Variants in TBCA observed in about 807,000 individuals in gnomAD.
TBCA encodes tubulin-specific chaperone A.
TBCA carries 6 observed loss-of-function variants against 15.8 expected under a neutral mutation model. The ratio of observed to expected loss-of-function variants is 0.38; its 90% confidence interval spans 0.21 to 0.75. The LOEUF is 0.75. TBCA is among the 30% of genes least tolerant of loss of function. The pLI, the probability that TBCA is intolerant of heterozygous loss-of-function variation, is 0.46. For missense variants in TBCA, 90 were observed against 131.2 expected (o/e 0.69, Z 1.53); for synonymous variants, 32 against 42.3 (o/e 0.76, Z 0.94).
At chr5:77,756,021 C>T (rs896784321) in intron 1 of TBCA, among the ~76,000 whole-genome samples, 1 of 151,330 alleles carries the variant, frequency 6.6e-6, no homozygotes, top group Admixed American at 6.6e-5. Flanking sequence ...ACAACAACAA[C>T]AAAAAAAAAA....
At chr5:77,708,936 G>C (rs1345911858) in intron 1 of TBCA, among the ~76,000 whole-genome samples, 1 of 150,780 alleles carries the variant, frequency 6.6e-6, no homozygotes, top group African/African-American at 2.4e-5. Context: ...CAATGTGAAA[G>C]CGATACTCAA....
intron 1 of TBCA, among the ~76,000 whole-genome samples, chr5:77,760,275 GC>G (rs1747580569): frequency 6.6e-6 from 1 of 152,146 alleles, no homozygotes; most frequent in African/African-American, 2.4e-5. Context: ...TAAATCCCTA[GC>G]CAGTTTATGT....
intron 1 of TBCA, among the ~76,000 whole-genome samples, chr5:77,723,102 T>C (rs953272062): frequency 6.6e-6 from 1 of 151,736 alleles, no homozygotes; most frequent in Admixed American, 6.6e-5. Context: ...AATATTTAGT[T>C]TGAAAAATTA....
intron 1 of TBCA, among the ~76,000 whole-genome samples, chr5:77,726,059 C>CT (rs1746625684): frequency 6.6e-6 from 1 of 152,210 alleles, no homozygotes; most frequent in African/African-American, 2.4e-5. Context: ...TTCAACTACT[C>CT]TAATACTGTA....
intron 1 of TBCA, among the ~76,000 whole-genome samples, chr5:77,723,759 A>C (rs1360635065): frequency 6.6e-6 from 1 of 152,058 alleles, no homozygotes; most frequent in Non-Finnish European, 1.5e-5. Flanking sequence ...TACTAAGACA[A>C]TGTAGTAATA....
chr5:77,747,145 C>A (rs1747204822), intron 1 of TBCA, among the ~76,000 whole-genome samples: 1 of 151,880 alleles, frequency 6.6e-6, no homozygotes, highest in Non-Finnish European at 1.5e-5. Context: ...CATACACTTA[C>A]CAGCCAAATC....
intron 1 of TBCA, among the ~76,000 whole-genome samples, chr5:77,752,400 TTTC>T (rs1330873411): frequency 1.3e-5 from 2 of 152,176 alleles, no homozygotes; most frequent in Non-Finnish European, 2.9e-5. Flanking sequence ...GGCTTAGTTT[TTTC>T]TTTTTATCCA....
At chr5:77,692,291 C>T (rs1235650444) in intron 3 of TBCA, 1 of 985,346 alleles carries the variant, frequency 1.0e-6, no homozygotes, top group Non-Finnish European at 1.2e-6. Flanking sequence ...TGAGAATTTG[C>T]TTAGCTCAAA....
At chr5:77,769,272 A>G (rs779028657) in intron 1 of TBCA, among the ~76,000 whole-genome samples, 40 of 152,228 alleles carry the variant, frequency 2.6e-4, no homozygotes, top group Non-Finnish European at 5.0e-4. Context: ...GAAGGTAGCC[A>G]TCTGGCTGAA....
intron 1 of TBCA, among the ~76,000 whole-genome samples, chr5:77,753,575 G>A (rs1747405704): frequency 2.0e-5 from 3 of 152,120 alleles, no homozygotes; most frequent in African/African-American, 4.8e-5. Context: ...CTGAGATATC[G>A]TGAATAACTT....
chr5:77,743,221 T>C (rs16874582), intron 1 of TBCA, among the ~76,000 whole-genome samples: 16,250 of 152,222 alleles, frequency 0.11, 933 homozygotes, highest in Middle Eastern at 0.13. Flanking sequence ...GGATAGCATA[T>C]AGCGGTTAGA....
chr5:77,748,904 G>C (rs1259841877), intron 1 of TBCA, among the ~76,000 whole-genome samples: 1 of 152,194 alleles, frequency 6.6e-6, no homozygotes, highest in Non-Finnish European at 1.5e-5. Flanking sequence ...TACATTTACA[G>C]TATTGTACTG....
intron 1 of TBCA, among the ~76,000 whole-genome samples, chr5:77,757,416 A>G (rs1747500486): frequency 6.6e-6 from 1 of 152,122 alleles, no homozygotes. Flanking sequence ...TTCAGAAAGG[A>G]GTTAGTTACC....
intron 1 of TBCA, among the ~76,000 whole-genome samples, chr5:77,721,083 A>G (rs1448209563): frequency 6.6e-6 from 1 of 152,236 alleles, no homozygotes; most frequent in Non-Finnish European, 1.5e-5. Flanking sequence ...TTGGATGGAA[A>G]TGACTTTAGC....
At chr5:77,737,804 C>T (rs555404586) in intron 1 of TBCA, among the ~76,000 whole-genome samples, 1 of 147,016 alleles carries the variant, frequency 6.8e-6, no homozygotes, top group East Asian at 2.3e-4. Flanking sequence ...TCAATAAATC[C>T]AGCACTTTAA....
At chr5:77,728,822 G>A (rs989491420) in intron 1 of TBCA, among the ~76,000 whole-genome samples, 7 of 151,984 alleles carry the variant, frequency 4.6e-5, no homozygotes, top group Admixed American at 4.6e-4. Flanking sequence ...GAGATGAGGA[G>A]GTAGTCTACT....
At chr5:77,701,062 T>C (rs938209262) in intron 2 of TBCA, among the ~76,000 whole-genome samples, 2 of 151,644 alleles carry the variant, frequency 1.3e-5, no homozygotes, top group African/African-American at 4.8e-5. Context: ...CAAAGATAAA[T>C]AGCTGGGACT....
chr5:77,774,434 C>T (rs534732399), intron 1 of TBCA, among the ~76,000 whole-genome samples: 1 of 152,242 alleles, frequency 6.6e-6, no homozygotes, highest in South Asian at 2.1e-4. Context: ...CTGAAGCCTG[C>T]TACCTGGAGG....
At chr5:77,740,387 G>A (rs1042931670) in intron 1 of TBCA, among the ~76,000 whole-genome samples, 5 of 152,162 alleles carry the variant, frequency 3.3e-5, no homozygotes, top group African/African-American at 4.8e-5. Context: ...GAGAGTGGTA[G>A]TAATCCAGGA....
Sources: allele counts gnomAD v4.1 joint callset (sites outside exome capture counted in the v4.1 genomes callset), GRCh38; gene constraint gnomAD v4.1.1; transcripts MANE v1.5; gene names NCBI Gene and HGNC (gene_info 2026-07-23, HGNC 2026-07-21).